The following ADAM19 variants were observed in gnomAD, a reference collection of about 807,000 sequenced individuals.
The protein encoded by ADAM19 is ADAM metallopeptidase domain 19.
ADAM19 carries 65 observed loss-of-function variants against 114.7 expected under a neutral mutation model. That is an observed-to-expected ratio of 0.57 (90% CI 0.46 to 0.70). ADAM19 has a LOEUF of 0.70. Ranked by LOEUF, ADAM19 falls within the 30% of genes least tolerant of loss-of-function variation. ADAM19 has a pLI of 0.00. For synonymous variants in ADAM19, 466 were observed against 460.5 expected (o/e 1.01, Z -0.15); for missense variants, 1,063 against 1,204.7 (o/e 0.88, Z 1.74).
chr5:157,514,272 C>G lies in ADAM19; in HGVS notation c.667-767G>C, dbSNP rs545562424. On this transcript the variant is annotated intron_variant, in intron 7 of 22. Coordinates refer to ENST00000257527, the MANE Select transcript of ADAM19 (RefSeq NM_033274.5). ...CACTCAGATCCACTGGCAGTGCCTT[C>G]TACAGTGAGAAGAATGAGAAGAATT... Among the ~76,000 whole-genome samples the G allele has an allele frequency of 5.3e-5, 8 of 151,860 alleles. No individual in the cohort carries two copies. In the East Asian group the frequency reaches 9.7e-4, roughly 18 times the overall value.
chr5:157,494,676 T>A lies in ADAM19; in HGVS notation c.1703+11A>T, dbSNP rs1367192116. ...ATCCTCATTTCATGAGGCCTGCCCT[T>A]TGGTCATCACCTCATGTTGCACTTC... On this transcript the variant is annotated intron_variant, in intron 15 of 22. Coordinates refer to ENST00000257527, the MANE Select transcript of ADAM19 (RefSeq NM_033274.5). The A allele has an allele frequency of 1.9e-6, 3 of 1,608,638 alleles. No homozygotes were observed. The South Asian group carries it at 3.3e-5, about 18-fold the overall frequency.
chr5:157,530,761 C>A (rs368670399), intron 5 of ADAM19, 46 bp downstream of exon 5: 191 of 1,530,622 alleles, frequency 1.2e-4, no homozygotes, highest in Non-Finnish European at 1.6e-4. Flanking sequence ...AACTTCCATT[C>A]CTGGGGAGAG....
At chr5:157,559,733 G>C (rs1275510784) in intron 3 of ADAM19, among the ~76,000 whole-genome samples, 1 of 152,194 alleles carries the variant, frequency 6.6e-6, no homozygotes, top group Non-Finnish European at 1.5e-5. Flanking sequence ...CAAATCTGTG[G>C]GTTGTGCAAA....
rs115016352 is a variant in ADAM19 at position 157,554,439 on chromosome 5, T to C, written c.251+9934A>G. ...AGGAGAGCCGGAACCAGTGAACAAA[T>C]CCCAACCTCATATTGGACAGTTCAG... On this transcript the variant is annotated intron_variant, in intron 3 of 22. Coordinates refer to ENST00000257527, the MANE Select transcript of ADAM19 (RefSeq NM_033274.5). 3.2e-3 allele frequency among the ~76,000 whole-genome samples: 494 copies of C among 152,260 alleles called. 3 individuals carry two copies. The highest frequency in any genetic ancestry group is 0.011 in the African/African-American group (464 of 41,546).
chr5:157,575,248 A>G (rs1757939961), intron 1 of ADAM19, among the ~76,000 whole-genome samples: 2 of 152,174 alleles, frequency 1.3e-5, no homozygotes, highest in Non-Finnish European at 2.9e-5. Context: ...AGACAGAGAG[A>G]GAGGCGGAGC....
chr5:157,565,198 A>C (rs1757624069), intron 2 of ADAM19, among the ~76,000 whole-genome samples: 1 of 152,288 alleles, frequency 6.6e-6, no homozygotes, highest in African/African-American at 2.4e-5. Flanking sequence ...AAGCACAAAA[A>C]CTATGTTCGA....
chr5:157,573,692 G>A (rs1031341277), intron 1 of ADAM19, among the ~76,000 whole-genome samples: 1 of 151,226 alleles, frequency 6.6e-6, no homozygotes, highest in African/African-American at 2.4e-5. Context: ...ACTGCAGTGA[G>A]CCCAGATCGT....
chr5:157,478,004 G>C lies in ADAM19; in HGVS notation c.*2945C>G, dbSNP rs2113676740. ...ATGGCTAGCAGGCAGTTACAAGATT[G>C]AGCCAGGTGCCCAGGCTAAGGCTTC... On this transcript the variant is annotated 3_prime_UTR_variant, in exon 23 of 23. Transcript: ENST00000257527. 1 of 264,640 alleles carries C rather than the reference G, an allele frequency of 3.8e-6. No individual in the cohort carries two copies. Among genetic ancestry groups the C allele is most frequent in the African/African-American group, 2.2e-5 (1 of 45,326 alleles). 16.4% of individuals were successfully genotyped at this position (264,640 alleles called of 1,614,324 possible).
At chr5:157,486,703 T>C (rs6889988) in intron 21 of ADAM19, among the ~76,000 whole-genome samples, 142,792 of 151,990 alleles carry the variant, frequency 0.94, 67,191 homozygotes, top group East Asian at 1. Context: ...CTGCTGGCAC[T>C]CCTGTTCTCC....
At chr5:157,490,078 G>C (rs967510570) in intron 19 of ADAM19, among the ~76,000 whole-genome samples, 52 of 152,328 alleles carry the variant, frequency 3.4e-4, no homozygotes, top group African/African-American at 1.2e-3. Flanking sequence ...TTTGGTTGGG[G>C]ATATTCTGCT....
At chr5:157,500,795 T>C (rs1331245820) in intron 12 of ADAM19, among the ~76,000 whole-genome samples, 1 of 152,186 alleles carries the variant, frequency 6.6e-6, no homozygotes, top group Non-Finnish European at 1.5e-5. Flanking sequence ...GGCGTTCCAG[T>C]GACCCTGAGC....
chr5:157,488,126 C>A (rs1038613275), intron 21 of ADAM19, 139 bp downstream of exon 21: 6 of 829,004 alleles, frequency 7.2e-6, no homozygotes, highest in Non-Finnish European at 1.2e-5. Flanking sequence ...CTGCTGTGCG[C>A]CCCCGTATTG....
intron 11 of ADAM19, among the ~76,000 whole-genome samples, chr5:157,503,494 A>G: frequency 6.6e-6 from 1 of 152,196 alleles, no homozygotes. Flanking sequence ...AAGTATAAAA[A>G]AAAAAAAAAG....
chr5:157,482,765 A>G (rs945156956), intron 21 of ADAM19, among the ~76,000 whole-genome samples: 2 of 152,238 alleles, frequency 1.3e-5, no homozygotes, highest in Non-Finnish European at 2.9e-5. Flanking sequence ...ACGTATGTTT[A>G]TTGTGGCACT....
chr5:157,492,678 G>T (rs1755215991), intron 16 of ADAM19, among the ~76,000 whole-genome samples: 1 of 152,112 alleles, frequency 6.6e-6, no homozygotes, highest in Admixed American at 6.5e-5. Context: ...CTATTATTTT[G>T]CTCAGGCTTC....
intron 12 of ADAM19, among the ~76,000 whole-genome samples, chr5:157,500,531 C>T (rs1419319120): frequency 1.3e-5 from 2 of 152,004 alleles, no homozygotes; most frequent in African/African-American, 2.4e-5. Context: ...ATCCAGACAC[C>T]CTGTCTTTCA....
chr5:157,547,479 T>C (rs1757080293), intron 3 of ADAM19, among the ~76,000 whole-genome samples: 1 of 152,184 alleles, frequency 6.6e-6, no homozygotes. Context: ...TCTCTTGCTC[T>C]TTTTTTCATG....
intron 3 of ADAM19, among the ~76,000 whole-genome samples, chr5:157,545,595 G>A (rs754068059): frequency 5.9e-5 from 9 of 151,980 alleles, no homozygotes; most frequent in South Asian, 4.1e-4. Context: ...AGAGTCTACC[G>A]CAATGAAACA....
intron 12 of ADAM19, 132 bp downstream of exon 12, chr5:157,502,671 C>T: frequency 1.0e-6 from 1 of 963,420 alleles, no homozygotes; most frequent in Non-Finnish European, 1.6e-6. Flanking sequence ...TCTGATTTTT[C>T]ATGGGGTATT....
Sources: allele counts gnomAD v4.1 joint callset (sites outside exome capture counted in the v4.1 genomes callset), GRCh38; gene constraint gnomAD v4.1.1; transcripts MANE v1.5; gene names NCBI Gene and HGNC (gene_info 2026-07-23, HGNC 2026-07-21).